The following ATP1A1 variants were observed in gnomAD, a reference collection of about 807,000 sequenced individuals.
The protein encoded by ATP1A1 is ATPase Na+/K+ transporting subunit alpha 1.
In ATP1A1, 14 loss-of-function variants were observed where a neutral mutation model predicts 114.8. The ratio of observed to expected loss-of-function variants is 0.12; its 90% CI spans 0.08 to 0.19. The LOEUF is 0.19. Among genes scored for constraint, ATP1A1 ranks in the 10% least tolerant of loss-of-function variants. The probability of loss-of-function intolerance (pLI) is 1.00; values close to 1 mark genes in which losing one functional copy is unlikely to be tolerated. For synonymous variants in ATP1A1, 471 were observed against 466.3 expected (o/e 1.01, Z -0.13); for missense variants, 524 against 1,290.7 (o/e 0.41, Z 9.10).
chr1:116,373,794 C>G (rs865816205), intron 1 of ATP1A1: 7 of 1,072,852 alleles, frequency 6.5e-6, no homozygotes, highest in African/African-American at 6.2e-5. Context: ...CTGCGCGCCC[C>G]GGAGGCCGAG....
At chr1:116,392,579 C>A in intron 10 of ATP1A1, 1 of 332,088 alleles carries the variant, frequency 3.0e-6, no homozygotes, top group Admixed American at 4.7e-5. Context: ...GTTAATACCT[C>A]TTCTAGGGAA....
rs929172272 is a variant in ATP1A1 at position 116,391,227 on chromosome 1, C to A, written c.1332+336C>A. On this transcript the variant is annotated intron_variant, in intron 10 of 22. Coordinates refer to ENST00000295598, the MANE Select transcript of ATP1A1 (RefSeq NM_000701.8). ...TACTCTTGAGTTTATATGTTATCAC[C>A]TAACCTAGTGGACAGTGAGAGCTGA... 4.6e-5 allele frequency among the ~76,000 whole-genome samples: 7 copies of A among 152,182 alleles called. No homozygotes were observed. The East Asian group carries it at 9.6e-4, about 21-fold the overall frequency.
intron 1 of ATP1A1, among the ~76,000 whole-genome samples, chr1:116,380,251 C>T (rs1557779624): frequency 6.6e-6 from 1 of 152,220 alleles, no homozygotes; most frequent in African/African-American, 2.4e-5. Flanking sequence ...GCAGACTCAA[C>T]ACCATTAGCA....
rs2101043080 is a variant in ATP1A1, at chr1:116,387,676, ACCAC to A, written c.387+190_387+193del. Reference sequence around the variant, plus strand: ...TCCTTCGTTTCCATTTCCTCTCTCTACCACCCACGTTGTAGATGCTCTTACAAGT... The same window carrying A: ...TCCTTCGTTTCCATTTCCTCTCTCTACCACGTTGTAGATGCTCTTACAAGT... On this transcript the variant is annotated intron_variant, in intron 4 of 22. Transcript: ENST00000295598. This position sits in a 1 kb window ranked among gnomAD's most constrained non-coding sequence, Gnocchi z 6.7. Among the ~76,000 whole-genome samples, 1 of 152,174 alleles carries A rather than the reference ACCAC, an allele frequency of 6.6e-6. No individual in the cohort carries two copies. Among genetic ancestry groups the A allele is most frequent in the South Asian group, 2.1e-4 (1 of 4,826 alleles).
rs999431332 is a variant in ATP1A1, at chr1:116,397,089, C to T, written c.1973+355C>T. Among the ~76,000 whole-genome samples, 10 of 152,208 alleles carry T rather than the reference C, an allele frequency of 6.6e-5. No individual in the cohort carries two copies. The highest frequency in any genetic ancestry group is 3.9e-4 in the Admixed American group (6 of 15,284). On this transcript the variant is annotated intron_variant, in intron 14 of 22. Coordinates refer to ENST00000295598, the MANE Select transcript of ATP1A1 (RefSeq NM_000701.8). This position sits in a 1 kb window ranked among gnomAD's most constrained non-coding sequence, Gnocchi z 4.2. Reference sequence around the variant, plus strand: ...ATTTCATGCTGTTAACCACTGAGCTCTACTGCCTAGCACCTAGCATCTTGA... The same window carrying T: ...ATTTCATGCTGTTAACCACTGAGCTTTACTGCCTAGCACCTAGCATCTTGA...
At position 116,396,674 on chromosome 1, in the gene ATP1A1, A is replaced by G. The variant is rs1436762122; in HGVS notation, c.1913A>G (p.Asn638Ser). 4 of 1,611,832 alleles carry G rather than the reference A, an allele frequency of 2.5e-6. No individual in the cohort carries two copies. Among genetic ancestry groups the G allele is most frequent in the African/African-American group, 1.3e-5 (1 of 74,886 alleles). ...GGTGTGGGCATCATCTCAGAAGGCAATGAGACCGTGGAAGACATTGCTGCC... is the reference window on the plus strand; with the variant it reads ...GGTGTGGGCATCATCTCAGAAGGCAGTGAGACCGTGGAAGACATTGCTGCC... ...AKGVGIISEGNETVEDIAARL... is the reference protein window; with the variant it reads ...AKGVGIISEGSETVEDIAARL... The change falls in exon 14 of 23, where the codon AAT becomes AGT. Residue 638 changes from asparagine (N) to serine (S), a missense_variant. Coordinates refer to ENST00000295598, the MANE Select transcript of ATP1A1 (RefSeq NM_000701.8).
At chr1:116,403,473 C>CT (rs1653701410) in intron 21 of ATP1A1, among the ~76,000 whole-genome samples, 1 of 152,156 alleles carries the variant, frequency 6.6e-6, no homozygotes, top group Admixed American at 6.5e-5. Context: ...ACTGGCAGGT[C>CT]TTTATCTTCA....
At position 116,395,291 on chromosome 1, in the gene ATP1A1, G is replaced by T. The variant is rs1652813248; in HGVS notation, c.1836+6G>T. 9.3e-6 allele frequency: 15 copies of T among 1,613,458 alleles called. No individual in the cohort carries two copies. The highest frequency in any genetic ancestry group is 1.3e-5 in the Non-Finnish European group (15 of 1,179,738). ...GTCGAAGTGCTGGAATTAAGGTAGT[G>T]CCCAGGCGCCTCCTTGGCTTCATCT... On this transcript the variant is annotated splice_donor_region_variant and intron_variant, in intron 13 of 22. Coordinates refer to ENST00000295598, the MANE Select transcript of ATP1A1 (RefSeq NM_000701.8). The surrounding 1 kb of genome is among the most constrained non-coding windows in gnomAD (Gnocchi z 6.4).
At position 116,374,116 on chromosome 1, in the gene ATP1A1, G is replaced by C. The variant is rs1019967187; in HGVS notation, c.12+593G>C. ...CTTCTCCTGGGGACGCTGGGGCTTA[G>C]CTTGCTCCGCGCAGAGGCGGCCGCC... On this transcript the variant is annotated intron_variant, in intron 1 of 22. Transcript: ENST00000295598. 4 of 1,538,038 alleles carry C rather than the reference G, an allele frequency of 2.6e-6. No individual in the cohort carries two copies. The African/African-American group carries it at 5.5e-5, about 21-fold the overall frequency.
chr1:116,376,782 A>G (rs57950195), intron 1 of ATP1A1, among the ~76,000 whole-genome samples: 16,259 of 152,154 alleles, frequency 0.11, 2,551 homozygotes, highest in African/African-American at 0.34. Context: ...AAAACAAACC[A>G]AAACAAAAAA....
At position 116,389,003 on chromosome 1, in the gene ATP1A1, A is replaced by G; in HGVS notation, c.738A>G (p.Ser246=). The G allele has an allele frequency of 6.2e-7, 1 of 1,614,158 alleles. No homozygotes were observed. The highest frequency in any genetic ancestry group is 8.5e-7 in the Non-Finnish European group (1 of 1,180,014). ...AGACGAGGAACATTGCCTTCTTTTC[A>G]ACCAATTGTGTTGAAGGTAGGCCAT... ...PLETRNIAFF[S]TNCVEGTARG... Residue 246 remains serine (S), a synonymous_variant, in exon 7 of 23, where the codon TCA becomes TCG. Coordinates refer to ENST00000295598, the MANE Select transcript of ATP1A1 (RefSeq NM_000701.8). This position sits in a 1 kb window ranked among gnomAD's most constrained non-coding sequence, Gnocchi z 6.9.
In ATP1A1 at chr1:116,390,747, ATTG is replaced by A. The variant is rs1557786496; in HGVS notation, c.1223-29_1223-27del. 3 of 1,543,340 alleles carry A rather than the reference ATTG, an allele frequency of 1.9e-6. No homozygotes were observed. The South Asian group carries it at 3.4e-5, about 17-fold the overall frequency. ...AGAACACAGCCTTTGAAGTTAATGC[ATTG>A]TTGTTCTGTTGTGTTTTCTTGCCTC... On this transcript the variant is annotated intron_variant, in intron 9 of 22. Coordinates refer to ENST00000295598, the MANE Select transcript of ATP1A1 (RefSeq NM_000701.8).
chr1:116,384,752 A>T lies in ATP1A1; in HGVS notation c.124-31A>T. On this transcript the variant is annotated intron_variant, in intron 2 of 22. Coordinates refer to ENST00000295598, the MANE Select transcript of ATP1A1 (RefSeq NM_000701.8). This position sits in a 1 kb window ranked among gnomAD's most constrained non-coding sequence, Gnocchi z 5.1. Reference sequence around the variant, plus strand: ...GTCATTTTTTTATACTACACTGTTTAACTATTTTCTTTGTTTCTGTTTTCC... The same window carrying T: ...GTCATTTTTTTATACTACACTGTTTTACTATTTTCTTTGTTTCTGTTTTCC... The T allele has an allele frequency of 1.3e-6, 2 of 1,566,848 alleles. No individual in the cohort carries two copies. The highest frequency in any genetic ancestry group is 1.7e-6 in the Non-Finnish European group (2 of 1,147,116).
chr1:116,398,184 C>A lies in ATP1A1; in HGVS notation c.2124+146C>A. ...AATAGGCCAGTAGGAAGCTCATAGG[C>A]ATAGAGAGGGTGACTTGTTAATGGT... is the stretch of plus-strand genomic sequence containing the variant. On this transcript the variant is annotated intron_variant, in intron 15 of 22. Coordinates refer to ENST00000295598, the MANE Select transcript of ATP1A1 (RefSeq NM_000701.8). This position sits in a 1 kb window ranked among gnomAD's most constrained non-coding sequence, Gnocchi z 6.1. 2 of 1,178,816 alleles carry A rather than the reference C, an allele frequency of 1.7e-6. No individual in the cohort carries two copies. The highest frequency in any genetic ancestry group is 1.2e-6 in the Non-Finnish European group (1 of 858,776). The allele number at this position is 1,178,816 out of a possible 1,614,324, so 73.0% of individuals were successfully genotyped here. A position where few individuals can be genotyped will look rare whatever the true frequency, so the allele number is the denominator to read the frequency against.
Position 116,374,067 on chromosome 1 carries a change from G to T in ATP1A1, c.12+544G>T, listed in dbSNP as rs942227975. On this transcript the variant is annotated intron_variant, in intron 1 of 22. Transcript: ENST00000295598. ...CCCGCCGCGGCCCCGGTTCCGGCGG[G>T]GGCAGCCTCCGGGTTCGGGGCTCCT... 174 of 1,408,416 alleles carry T rather than the reference G, an allele frequency of 1.2e-4. 1 individual carries two copies. Among genetic ancestry groups the T allele is most frequent in the Non-Finnish European group, 1.5e-4 (161 of 1,078,042 alleles). 87.2% of individuals were successfully genotyped at this position (1,408,416 alleles called of 1,614,324 possible).
At chr1:116,391,257 T>C (rs566750252) in intron 10 of ATP1A1, among the ~76,000 whole-genome samples, 1 of 152,364 alleles carries the variant, frequency 6.6e-6, no homozygotes, top group East Asian at 1.9e-4. Context: ...AGCTGAGGGC[T>C]GCAGTGACTC....
chr1:116,397,855 G>T lies in ATP1A1; in HGVS notation c.1974-33G>T. 1 of 1,577,416 alleles carries T rather than the reference G, an allele frequency of 6.3e-7. No homozygotes were observed. ...TGGACACATGCTGGTGATGTGATGCGTGACTTTTTTTTTTTTTTTGTCCTA... is the reference window on the plus strand; with the variant it reads ...TGGACACATGCTGGTGATGTGATGCTTGACTTTTTTTTTTTTTTTGTCCTA... On this transcript the variant is annotated intron_variant, in intron 14 of 22. Transcript: ENST00000295598. This position sits in a 1 kb window ranked among gnomAD's most constrained non-coding sequence, Gnocchi z 4.2.
At chr1:116,400,792 A>G in intron 18 of ATP1A1, 69 bp from the exon 19 acceptor site, 1 of 1,569,950 alleles carries the variant, frequency 6.4e-7, no homozygotes, top group Non-Finnish European at 8.7e-7. Flanking sequence ...TGCTGCAGTA[A>G]TCAGCTGAAG....
Position 116,395,070 on chromosome 1 carries a change from G to A in ATP1A1, c.1661-40G>A, listed in dbSNP as rs761778925. On this transcript the variant is annotated intron_variant, in intron 12 of 22. Coordinates refer to ENST00000295598, the MANE Select transcript of ATP1A1 (RefSeq NM_000701.8). This position sits in a 1 kb window ranked among gnomAD's most constrained non-coding sequence, Gnocchi z 6.4. The stretch of plus-strand genomic sequence containing the variant: ...CTGCTGTTGTCCTTCTTACTGCCCA[G>A]CGTCACTGAAATTTTCAAAGGCTCC... 1.9e-6 allele frequency: 3 copies of A among 1,599,884 alleles called. No individual in the cohort carries two copies. The highest frequency in any genetic ancestry group is 3.4e-5 in the Admixed American group (2 of 59,166).
Sources: gnomAD v4.1 joint callset for allele counts (sites outside exome capture counted in the v4.1 genomes callset) on GRCh38, gnomAD v4.1.1 for gene constraint, Gnocchi (gnomAD v3.1) non-coding constraint, MANE v1.5 for transcripts, NCBI Gene and HGNC (gene_info 2026-07-23, HGNC 2026-07-21) for gene names.